CHRNA3: variants seen among roughly 807,000 people sequenced by gnomAD.
CHRNA3 encodes neuronal acetylcholine receptor subunit alpha-3.
In CHRNA3, 34 loss-of-function variants were observed where a neutral mutation model predicts 41.9. The ratio of observed to expected loss-of-function variants is 0.81; its 90% CI spans 0.62 to 1.08. The LOEUF (loss-of-function observed/expected upper bound fraction) is 1.08, where lower values mean the gene tolerates loss of function less well. Among genes scored for constraint, CHRNA3 ranks in the 50% least tolerant of loss-of-function variants. The pLI is 0.00. For missense variants in CHRNA3, 542 were observed against 638.3 expected (o/e 0.85, Z 1.63); for synonymous variants, 281 against 265.2 (o/e 1.06, Z -0.58).
chr15:78,593,335 A>G (rs199881121), downstream of CHRNA3: 67 of 1,362,962 alleles, frequency 4.9e-5, no homozygotes, highest in African/African-American at 9.1e-4. Flanking sequence ...AATGTAAGTT[A>G]TGTGTTAAAT....
intron 1 of CHRNA3, among the ~76,000 whole-genome samples, chr15:78,619,558 C>T (rs566284395): frequency 6.6e-6 from 1 of 152,110 alleles, no homozygotes; most frequent in Admixed American, 6.5e-5. Context: ...GCATTCCACC[C>T]TGTAGGGGTG....
intron 4 of CHRNA3, among the ~76,000 whole-genome samples, chr15:78,603,995 C>T (rs1295074326): frequency 6.6e-6 from 1 of 151,980 alleles, no homozygotes; most frequent in Admixed American, 6.6e-5. Flanking sequence ...AGCAGAAGGT[C>T]GAAAAGACCC....
chr15:78,619,206 C>A, intron 1 of CHRNA3: 1 of 475,052 alleles, frequency 2.1e-6, no homozygotes, highest in Non-Finnish European at 3.8e-6. Flanking sequence ...CACTTGTAAG[C>A]TGTGTGAGCT....
chr15:78,617,418 T>TGGTC (rs1441531270), intron 3 of CHRNA3, among the ~76,000 whole-genome samples: 1 of 152,136 alleles, frequency 6.6e-6, no homozygotes, highest in African/African-American at 2.4e-5. Context: ...GTGCTTTCTC[T>TGGTC]GGTCACTTCT....
chr15:78,609,554 G>A (rs1307632978), intron 4 of CHRNA3, among the ~76,000 whole-genome samples: 1 of 152,178 alleles, frequency 6.6e-6, no homozygotes, highest in Non-Finnish European at 1.5e-5. Flanking sequence ...CACCAGGCCT[G>A]CCCTAAAAGA....
intron 4 of CHRNA3, among the ~76,000 whole-genome samples, chr15:78,606,113 G>C (rs940710606): frequency 6.6e-6 from 1 of 151,852 alleles, no homozygotes; most frequent in Non-Finnish European, 1.5e-5. Flanking sequence ...CTGAAGTCAG[G>C]AGTTCGAGAC....
intron 1 of CHRNA3, chr15:78,619,226 G>A (rs140636935): frequency 9.4e-6 from 4 of 426,938 alleles, no homozygotes; most frequent in East Asian, 4.4e-5. Flanking sequence ...TTAGGCAAGT[G>A]GCTTAACCTC....
downstream of CHRNA3, chr15:78,594,106 T>A (rs1433689252): frequency 6.6e-6 from 1 of 152,134 alleles, no homozygotes; most frequent in Non-Finnish European, 1.5e-5. Context: ...TAAAAATAAA[T>A]GAAAAACAGG....
At position 78,595,446 on chromosome 15, in the gene CHRNA3, C is replaced by T. The variant is rs2053089147; in HGVS notation, c.*1158G>A. ...GTACATGATACTCTTAACAATTTGT[C>T]TAAAGCAATGTTTCTCAACCAGGGG... is the stretch of plus-strand genomic sequence containing the variant. On this transcript the variant is annotated 3_prime_UTR_variant, in exon 6 of 6. Coordinates refer to ENST00000326828, the MANE Select transcript of CHRNA3 (RefSeq NM_000743.5). The T allele has an allele frequency of 1.0e-6, 1 of 984,392 alleles. No individual in the cohort carries two copies. The highest frequency in any genetic ancestry group is 6.2e-5 in the Admixed American group (1 of 16,256). 61.0% of individuals were successfully genotyped at this position (984,392 alleles called of 1,614,324 possible). A position where few individuals can be genotyped will look rare whatever the true frequency, so the allele number is the denominator to read the frequency against.
chr15:78,617,180 G>A (rs2053476171), intron 3 of CHRNA3, 47 bp from the exon 4 acceptor site: 1 of 1,372,496 alleles, frequency 7.3e-7, no homozygotes, highest in Admixed American at 1.8e-5. Flanking sequence ...AAAAGAATCA[G>A]CCTGGTTTTA....
intron 5 of CHRNA3, 65 bp from the exon 6 acceptor site, chr15:78,596,797 A>C: frequency 6.5e-7 from 1 of 1,544,434 alleles, no homozygotes; most frequent in Non-Finnish European, 8.7e-7. Context: ...CATTTTCAAT[A>C]CTGAAGATGT....
At position 78,601,252 on chromosome 15, in the gene CHRNA3, C is replaced by T; in HGVS notation, c.1389+1G>A. 5.0e-6 allele frequency: 8 copies of T among 1,611,816 alleles called. No homozygotes were observed. Among genetic ancestry groups the T allele is most frequent in the Non-Finnish European group, 6.8e-6 (8 of 1,178,542 alleles). ...CAATGTAATAAAAGCCATATCCTTA[C>T]CTCTTTGGCTTCATTTTGTGCTTTC... On this transcript the variant is annotated splice_donor_variant, in intron 5 of 5. Coordinates refer to ENST00000326828, the MANE Select transcript of CHRNA3 (RefSeq NM_000743.5). LOFTEE classifies it high-confidence loss of function.
chr15:78,620,768 G>A lies in CHRNA3; in HGVS notation c.27C>T (p.Pro9=). Residue 9 remains proline (P), a synonymous_variant, in exon 1 of 6, where the codon CCC becomes CCT. Coordinates refer to ENST00000326828, the MANE Select transcript of CHRNA3 (RefSeq NM_000743.5). MGSGPLSL[P]LALSPPRLLL... ...GCAGCCGCGGCGGCGACAGCGCCAG[G>A]GGCAGCGAGAGCGGGCCAGAGCCCA... is the stretch of plus-strand genomic sequence containing the variant. 1.3e-6 allele frequency: 2 copies of A among 1,497,212 alleles called. No homozygotes were observed. Among genetic ancestry groups the A allele is most frequent in the Non-Finnish European group, 1.8e-6 (2 of 1,130,124 alleles). The allele number at this position is 1,497,212 out of a possible 1,614,324, so 92.7% of individuals were successfully genotyped here.
rs1596085406 is a variant in CHRNA3, at chr15:78,618,332, A to G, written c.267+285T>C. 1.0e-5 allele frequency: 4 copies of G among 392,020 alleles called. No homozygotes were observed. In the East Asian group the frequency reaches 1.4e-4, roughly 13 times the overall value. The allele number at this position is 392,020 out of a possible 1,614,324, so 24.3% of individuals were successfully genotyped here. ...GGTTTGGGGGCAGGGCTTCAATCTC[A>G]GGTTCGTACTCTTCTGTTGTGTGAA... On this transcript the variant is annotated intron_variant, in intron 3 of 5. Transcript: ENST00000326828.
chr15:78,620,780 C>T lies in CHRNA3; in HGVS notation c.15G>A (p.Pro5=), dbSNP rs1454453949. 2.7e-6 allele frequency: 4 copies of T among 1,479,264 alleles called. No homozygotes were observed. The highest frequency in any genetic ancestry group is 1.5e-5 in the African/African-American group (1 of 68,140). 91.6% of individuals were successfully genotyped at this position (1,479,264 alleles called of 1,614,324 possible). A position where few individuals can be genotyped will look rare whatever the true frequency, so the allele number is the denominator to read the frequency against. Residue 5 remains proline, a synonymous_variant, in exon 1 of 6, where the codon CCG becomes CCA. Transcript: ENST00000326828. MGSG[P]LSLPLALSPP... ...GCGACAGCGCCAGGGGCAGCGAGAG[C>T]GGGCCAGAGCCCATGGCTGGTGGCC...
At chr15:78,603,860 T>C (rs532481299) in intron 4 of CHRNA3, among the ~76,000 whole-genome samples, 1 of 152,208 alleles carries the variant, frequency 6.6e-6, no homozygotes, top group Admixed American at 6.5e-5. Flanking sequence ...CCTACGAGTA[T>C]TCCTGCTCCT....
At chr15:78,605,591 C>T (rs1483348019) in intron 4 of CHRNA3, among the ~76,000 whole-genome samples, 3 of 152,058 alleles carry the variant, frequency 2.0e-5, no homozygotes, top group African/African-American at 7.2e-5. Flanking sequence ...AATTTGTGGG[C>T]AAGAACCAAA....
chr15:78,613,529 A>T (rs2141340351), intron 4 of CHRNA3, among the ~76,000 whole-genome samples: 1 of 136,994 alleles, frequency 7.3e-6, no homozygotes, highest in East Asian at 2.4e-4. Flanking sequence ...ATGAGAACAC[A>T]TGGACACAGG....
At chr15:78,604,125 C>T (rs2053247581) in intron 4 of CHRNA3, among the ~76,000 whole-genome samples, 1 of 152,144 alleles carries the variant, frequency 6.6e-6, no homozygotes, top group African/African-American at 2.4e-5. Flanking sequence ...AGCTGTGGTC[C>T]TCTTTCTGTA....
Sources: gnomAD v4.1 joint callset for allele counts (sites outside exome capture counted in the v4.1 genomes callset) on GRCh38, gnomAD v4.1.1 for gene constraint, MANE v1.5 for transcripts, NCBI Gene and HGNC (gene_info 2026-07-23, HGNC 2026-07-21) for gene names.